ACYP2: variants seen among roughly 807,000 people sequenced by gnomAD.
The protein encoded by ACYP2 is acylphosphatase 2.
Under a neutral mutation model 11.2 loss-of-function variants are expected in ACYP2, and 12 were observed. The ratio of observed to expected loss-of-function variants is 1.08; its 90% CI spans 0.69 to 1.74. The LOEUF is 1.74. ACYP2 is among the 40% of genes most tolerant of loss of function. The pLI, the probability that ACYP2 is intolerant of heterozygous loss-of-function variation, is 0.00. For missense variants in ACYP2, 134 were observed against 101.9 expected (o/e 1.31, Z -1.35); for synonymous variants, 43 against 32.2 (o/e 1.33, Z -1.13).
chr2:54,055,226 G>A (rs1273208088), intron 3 of ACYP2, among the ~76,000 whole-genome samples: 1 of 151,896 alleles, frequency 6.6e-6, no homozygotes, highest in African/African-American at 2.4e-5. Flanking sequence ...TAGTAGAGAT[G>A]GGGTTTCACC....
At chr2:54,104,793 T>C (rs2103707855) in intron 4 of ACYP2, among the ~76,000 whole-genome samples, 1 of 152,290 alleles carries the variant, frequency 6.6e-6, no homozygotes, top group South Asian at 2.1e-4. Context: ...ATTAATTACA[T>C]TAAAATTTCT....
intron 2 of ACYP2, among the ~76,000 whole-genome samples, chr2:54,036,506 T>C (rs1251483201): frequency 6.6e-6 from 1 of 152,248 alleles, no homozygotes; most frequent in Non-Finnish European, 1.5e-5. Flanking sequence ...TTTGATTATC[T>C]ATCTTCATTC....
rs550497645 is a variant in ACYP2, at chr2:54,041,315, C to T, written c.63-9643C>T. Among the ~76,000 whole-genome samples, 5 of 152,202 alleles carry T rather than the reference C, an allele frequency of 3.3e-5. No homozygotes were observed. The South Asian group carries it at 1.0e-3, about 32-fold the overall frequency. On this transcript the variant is annotated intron_variant, in intron 2 of 6. Transcript: ENST00000607452. ...ACAGGAAGGAAGCCCAGAATATGGG[C>T]ATGATGCAGCGGTGGGTGTTTGTGG...
intron 6 of ACYP2, among the ~76,000 whole-genome samples, chr2:54,214,617 G>A (rs1685482821): frequency 1.3e-5 from 2 of 152,180 alleles, no homozygotes; most frequent in Admixed American, 1.3e-4. Context: ...TTTTGTACCA[G>A]TATAGCACAC....
intron 2 of ACYP2, among the ~76,000 whole-genome samples, chr2:54,045,893 G>A (rs888624303): frequency 1.3e-5 from 2 of 151,974 alleles, no homozygotes; most frequent in African/African-American, 4.8e-5. Flanking sequence ...TGGCTAGGCT[G>A]GGAGCAGTGG....
At chr2:54,051,915 T>C (rs187253239) in intron 3 of ACYP2, among the ~76,000 whole-genome samples, 3 of 152,070 alleles carry the variant, frequency 2.0e-5, no homozygotes, top group African/African-American at 7.2e-5. Context: ...GGCGTGGTAA[T>C]GCATTCCTGT....
chr2:53,985,233 T>G (rs1671977406), intron 2 of ACYP2, among the ~76,000 whole-genome samples: 1 of 151,694 alleles, frequency 6.6e-6, no homozygotes, highest in Non-Finnish European at 1.5e-5. Context: ...CCACGCCCAG[T>G]TAACTTTTTG....
chr2:54,267,294 A>G (rs1688081086), intron 6 of ACYP2: 1 of 1,548,780 alleles, frequency 6.5e-7, no homozygotes, highest in South Asian at 1.2e-5. Context: ...TTGACTTAAT[A>G]GGAATTCATC....
chr2:54,242,863 C>T (rs1288693777), intron 6 of ACYP2, among the ~76,000 whole-genome samples: 1 of 152,206 alleles, frequency 6.6e-6, no homozygotes, highest in African/African-American at 2.4e-5. Flanking sequence ...GTGTAATCAC[C>T]TAACGATGCA....
intron 6 of ACYP2, among the ~76,000 whole-genome samples, chr2:54,284,586 C>A (rs1333404746): frequency 6.6e-6 from 1 of 151,496 alleles, no homozygotes; most frequent in Non-Finnish European, 1.5e-5. Context: ...ACATCATCAC[C>A]TTTTTTTTTA....
At chr2:54,074,264 G>A (rs1677210366) in intron 4 of ACYP2, among the ~76,000 whole-genome samples, 1 of 152,150 alleles carries the variant, frequency 6.6e-6, no homozygotes, top group Non-Finnish European at 1.5e-5. Flanking sequence ...AGGATCACTT[G>A]AGCCCAGGAA....
intron 6 of ACYP2, among the ~76,000 whole-genome samples, chr2:54,283,164 T>C (rs1416485903): frequency 1.3e-5 from 2 of 152,248 alleles, no homozygotes; most frequent in Admixed American, 6.5e-5. Context: ...AAACTTACCC[T>C]AATTATCATA....
chr2:54,154,222 C>T (rs181719789), intron 6 of ACYP2, among the ~76,000 whole-genome samples: 178 of 152,232 alleles, frequency 1.2e-3, no homozygotes, highest in African/African-American at 4.1e-3. Context: ...TGGTTTTTGT[C>T]ATCAGCAAAC....
At chr2:53,982,901 G>C (rs761647226) in intron 2 of ACYP2, among the ~76,000 whole-genome samples, 1 of 149,352 alleles carries the variant, frequency 6.7e-6, no homozygotes, top group African/African-American at 2.5e-5. Flanking sequence ...GGAGAACCAG[G>C]GATTTATATG....
At chr2:54,104,995 A>C (rs1330747170) in intron 4 of ACYP2, among the ~76,000 whole-genome samples, 3 of 152,218 alleles carry the variant, frequency 2.0e-5, no homozygotes, top group Non-Finnish European at 4.4e-5. Flanking sequence ...AAGCCTACAC[A>C]ATTGTTAGCA....
chr2:54,154,087 T>G (rs1682326214), intron 6 of ACYP2, among the ~76,000 whole-genome samples: 1 of 152,110 alleles, frequency 6.6e-6, no homozygotes, highest in Admixed American at 6.6e-5. Context: ...AATGAGACTG[T>G]TTTCTATATT....
chr2:54,282,395 G>A (rs1688888326), intron 6 of ACYP2, among the ~76,000 whole-genome samples: 1 of 152,208 alleles, frequency 6.6e-6, no homozygotes, highest in African/African-American at 2.4e-5. Flanking sequence ...TCCTCACCCT[G>A]CTCCACATTT....
intron 6 of ACYP2, chr2:54,254,652 A>G: frequency 2.3e-6 from 1 of 443,312 alleles, no homozygotes; most frequent in Non-Finnish European, 4.0e-6. Context: ...TGTAACCTAC[A>G]GCATCATTCG....
chr2:54,264,158 T>C (rs1434408137), intron 6 of ACYP2, among the ~76,000 whole-genome samples: 4 of 152,170 alleles, frequency 2.6e-5, no homozygotes, highest in Non-Finnish European at 5.9e-5. Context: ...AGTTTCTTCC[T>C]TCCGGTGGGT....
Sources: gnomAD v4.1 joint callset for allele counts (sites outside exome capture counted in the v4.1 genomes callset) on GRCh38, gnomAD v4.1.1 for gene constraint, MANE v1.5 for transcripts, NCBI Gene and HGNC (gene_info 2026-07-23, HGNC 2026-07-21) for gene names.